The following TTC7B variants were observed in gnomAD, a reference collection of about 807,000 sequenced individuals.
The protein encoded by TTC7B is tetratricopeptide repeat domain 7B.
TTC7B carries 28 observed loss-of-function variants against 106.8 expected under a neutral mutation model. The ratio of observed to expected loss-of-function variants is 0.26; its 90% CI spans 0.19 to 0.36. The LOEUF (loss-of-function observed/expected upper bound fraction) is 0.36, where lower values mean the gene tolerates loss of function less well. Among genes scored for constraint, TTC7B ranks in the 10% least tolerant of loss-of-function variants. The pLI is 1.00. For missense variants in TTC7B, 862 were observed against 1,076.4 expected (o/e 0.80, Z 2.79); for synonymous variants, 405 against 430.6 (o/e 0.94, Z 0.74).
At chr14:90,813,939 G>C (rs1241159306) in intron 1 of TTC7B, among the ~76,000 whole-genome samples, 1 of 152,186 alleles carries the variant, frequency 6.6e-6, no homozygotes, top group Non-Finnish European at 1.5e-5. Flanking sequence ...AAACACCAAA[G>C]GAGAGCCACA....
intron 3 of TTC7B, among the ~76,000 whole-genome samples, chr14:90,779,005 G>A (rs1258578198): frequency 1.3e-5 from 2 of 152,226 alleles, no homozygotes; most frequent in East Asian, 3.9e-4. Context: ...CAGCCAGAAA[G>A]TGCTGGCAGC....
chr14:90,719,526 C>T lies in TTC7B; in HGVS notation c.698+10549G>A, dbSNP rs113077272. On this transcript the variant is annotated intron_variant, in intron 5 of 19. Transcript: ENST00000328459. Reference sequence around the variant, plus strand: ...CATATCCCTTGGAAGACCCTGAAGACGTGGGGCCTGAGATGTTAAGCCAGG... The same window carrying T: ...CATATCCCTTGGAAGACCCTGAAGATGTGGGGCCTGAGATGTTAAGCCAGG... 3.8e-3 allele frequency among the ~76,000 whole-genome samples: 572 copies of T among 152,226 alleles called. 7 individuals carry two copies. The highest frequency in any genetic ancestry group is 0.012 in the African/African-American group (507 of 41,550).
At chr14:90,776,140 GACACACACACACACACACAC>G (rs370873395) in intron 3 of TTC7B, among the ~76,000 whole-genome samples, 2 of 140,292 alleles carry the variant, frequency 1.4e-5, no homozygotes, top group Non-Finnish European at 1.5e-5. Flanking sequence ...GGCCCCCCGT[GACACACACACACACACACAC>G]ACACACACAC....
At chr14:90,795,751 G>A (rs1177387772) in intron 1 of TTC7B, among the ~76,000 whole-genome samples, 2 of 152,206 alleles carry the variant, frequency 1.3e-5, no homozygotes, top group South Asian at 2.1e-4. Flanking sequence ...GAATAGTTAT[G>A]TTGGATCTTG....
intron 18 of TTC7B, among the ~76,000 whole-genome samples, chr14:90,587,753 G>A (rs181744041): frequency 5.9e-5 from 9 of 152,296 alleles, no homozygotes; most frequent in African/African-American, 2.2e-4. Flanking sequence ...ACTGTGGCAG[G>A]TGGAGATGCT....
rs1279329416 is a variant in TTC7B, at chr14:90,663,609, A to T, written c.1153-5222T>A. Among the ~76,000 whole-genome samples the T allele has an allele frequency of 6.6e-6, 1 of 152,180 alleles. No homozygotes were observed. The highest frequency in any genetic ancestry group is 1.5e-5 in the Non-Finnish European group (1 of 68,024). On this transcript the variant is annotated intron_variant, in intron 9 of 19. Coordinates refer to ENST00000328459, the MANE Select transcript of TTC7B (RefSeq NM_001010854.2). The surrounding 1 kb of genome is among the most constrained non-coding windows in gnomAD (Gnocchi z 4.5). ...GTCTCCAGCCCATCGCAAAGTTCTC[A>T]ATCGACAAAGATTACATGAGTCCTG...
chr14:90,712,643 G>T (rs1020678789), intron 5 of TTC7B, among the ~76,000 whole-genome samples: 3 of 152,146 alleles, frequency 2.0e-5, no homozygotes, highest in Admixed American at 6.5e-5. Context: ...ATGGAGAGAG[G>T]TTGGATTAGA....
intron 3 of TTC7B, among the ~76,000 whole-genome samples, chr14:90,763,587 A>G (rs541846847): frequency 2.0e-5 from 3 of 152,356 alleles, no homozygotes; most frequent in Admixed American, 1.3e-4. Context: ...TGCAAATGCC[A>G]TGATCTTACA....
intron 13 of TTC7B, 89 bp downstream of exon 13, chr14:90,652,752 A>G: frequency 6.7e-7 from 1 of 1,484,904 alleles, no homozygotes; most frequent in South Asian, 1.1e-5. Flanking sequence ...CACTGTTTAC[A>G]TAATCTTTAT....
chr14:90,634,924 G>A (rs1395451333), intron 15 of TTC7B, among the ~76,000 whole-genome samples: 4 of 152,190 alleles, frequency 2.6e-5, no homozygotes, highest in African/African-American at 4.8e-5. Flanking sequence ...ATGTGTCATA[G>A]CAAAAGTGTA....
chr14:90,593,508 C>T lies in TTC7B; in HGVS notation c.2085G>A (p.Leu695=), dbSNP rs1416712646. The T allele has an allele frequency of 6.2e-7, 1 of 1,607,726 alleles. No individual in the cohort carries two copies. The highest frequency in any genetic ancestry group is 1.7e-5 in the Admixed American group (1 of 59,540). Residue 695 remains leucine, a synonymous_variant, in exon 18 of 20, where the codon CTG becomes CTA. Transcript: ENST00000328459. The stretch of plus-strand genomic sequence containing the variant: ...TACCTGCATGGAGCCAGATCTGTGC[C>T]AGCGTCATCCAGGGGTGCAGCGGGC... The part of the protein sequence containing the change: ...KQGPLHPWMT[L]AQIWLHAAEV...
At chr14:90,701,408 G>A (rs1887978811) in intron 5 of TTC7B, among the ~76,000 whole-genome samples, 1 of 152,080 alleles carries the variant, frequency 6.6e-6, no homozygotes, top group Admixed American at 6.6e-5. Flanking sequence ...AGAAGTCACA[G>A]AGAGTGGCTT....
intron 1 of TTC7B, among the ~76,000 whole-genome samples, chr14:90,794,473 G>A (rs1459246429): frequency 8.6e-5 from 13 of 151,312 alleles, no homozygotes; most frequent in Non-Finnish European, 1.2e-4. Context: ...TGATCCACCT[G>A]TCTCGGCCTC....
At chr14:90,710,537 T>G (rs1207522009) in intron 5 of TTC7B, among the ~76,000 whole-genome samples, 1 of 152,190 alleles carries the variant, frequency 6.6e-6, no homozygotes, top group Non-Finnish European at 1.5e-5. Flanking sequence ...GAAACAGCAT[T>G]GCATGCTACA....
At chr14:90,565,795 T>G (rs115121771) in intron 19 of TTC7B, among the ~76,000 whole-genome samples, 2,696 of 152,196 alleles carry the variant, frequency 0.018, 83 homozygotes, top group African/African-American at 0.061. Context: ...ATGATCCTCA[T>G]TTCAATATTA....
intron 3 of TTC7B, among the ~76,000 whole-genome samples, chr14:90,761,897 G>A (rs971576178): frequency 6.6e-6 from 1 of 152,110 alleles, no homozygotes; most frequent in Non-Finnish European, 1.5e-5. Context: ...TGGAATCTAG[G>A]CTTTTGCAAT....
rs1249871460 is a variant in TTC7B, at chr14:90,736,589, T to C, written c.577-6393A>G. On this transcript the variant is annotated intron_variant, in intron 4 of 19. Transcript: ENST00000328459. ...TCCGTCTCAGAAAAAAAAGGGGGGGTGGGTAGGAAATGAGGCCAGGCTTGG... is the reference window on the plus strand; with the variant it reads ...TCCGTCTCAGAAAAAAAAGGGGGGGCGGGTAGGAAATGAGGCCAGGCTTGG... Among the ~76,000 whole-genome samples the C allele has an allele frequency of 9.8e-5, 13 of 132,598 alleles. No homozygotes were observed. The East Asian group carries it at 2.9e-3, about 30-fold the overall frequency. The allele number at this position is 132,598 out of a possible 152,430, so 87.0% of individuals were successfully genotyped here.
chr14:90,656,982 C>T (rs1349047583), intron 11 of TTC7B, among the ~76,000 whole-genome samples, 192 bp downstream of exon 11: 1 of 152,206 alleles, frequency 6.6e-6, no homozygotes, highest in African/African-American at 2.4e-5. Flanking sequence ...GAGTACTCCT[C>T]AGTCCTTGGG....
At chr14:90,773,549 G>A (rs1001167970) in intron 3 of TTC7B, among the ~76,000 whole-genome samples, 9 of 152,134 alleles carry the variant, frequency 5.9e-5, no homozygotes, top group Admixed American at 5.9e-4. Context: ...GCACAATCAC[G>A]CAGGTAAATC....
Sources: allele counts gnomAD v4.1 joint callset (sites outside exome capture counted in the v4.1 genomes callset), GRCh38; gene constraint gnomAD v4.1.1; non-coding constraint Gnocchi (gnomAD v3.1); transcripts MANE v1.5; gene names NCBI Gene and HGNC (gene_info 2026-07-23, HGNC 2026-07-21).